Variants in MAMDC2 observed in about 807,000 individuals in gnomAD.
MAMDC2 encodes MAM domain-containing protein 2.
Under a neutral mutation model 89.8 loss-of-function variants are expected in MAMDC2, and 57 were observed. That is an observed-to-expected ratio of 0.63 (90% CI 0.51 to 0.79). MAMDC2 has a LOEUF of 0.79. MAMDC2 is among the 30% of genes least tolerant of loss of function. The pLI is 0.00. For missense variants in MAMDC2, 800 were observed against 820.6 expected, an observed-to-expected ratio of 0.97 and a Z score of 0.31; for synonymous variants, 313 against 293.4, an observed-to-expected ratio of 1.07 and a Z score of -0.68.
At chr9:70,044,876 G>C (rs1031778727) in intron 2 of MAMDC2, among the ~76,000 whole-genome samples, 179 bp downstream of exon 2, 8 of 152,276 alleles carry the variant, frequency 5.3e-5, no homozygotes, top group African/African-American at 1.9e-4. Flanking sequence ...GCAGGAACGG[G>C]GCGGGCGGGA....
At chr9:70,050,492 T>A (rs1826868847) in intron 2 of MAMDC2, among the ~76,000 whole-genome samples, 1 of 152,222 alleles carries the variant, frequency 6.6e-6, no homozygotes, top group African/African-American at 2.4e-5. Context: ...AAGTCATTTA[T>A]CCTCTCTATG....
At chr9:70,217,307 C>T (rs1184375206) in intron 11 of MAMDC2, 13 of 1,368,486 alleles carry the variant, frequency 9.5e-6, no homozygotes, top group Admixed American at 1.7e-5. Flanking sequence ...AAATGCGAGT[C>T]GGCATTCCTT....
At chr9:70,157,965 A>G (rs1164753024) in intron 9 of MAMDC2, among the ~76,000 whole-genome samples, 1 of 152,060 alleles carries the variant, frequency 6.6e-6, no homozygotes, top group Non-Finnish European at 1.5e-5. Context: ...AATCAAAGAC[A>G]TTATGTTTTT....
intron 2 of MAMDC2, chr9:70,083,640 T>C (rs139262221): frequency 3.3e-5 from 5 of 152,088 alleles, no homozygotes; most frequent in African/African-American, 1.2e-4. Flanking sequence ...CTGCATTCCA[T>C]TCCCTTGGCT....
At chr9:70,067,731 G>A (rs1381013905) in intron 2 of MAMDC2, among the ~76,000 whole-genome samples, 1 of 152,174 alleles carries the variant, frequency 6.6e-6, no homozygotes, top group Non-Finnish European at 1.5e-5. Context: ...CAGCTCATTT[G>A]GATAATTTAA....
chr9:70,169,832 G>T (rs2118529655), intron 10 of MAMDC2: 1 of 152,274 alleles, frequency 6.6e-6, no homozygotes, highest in East Asian at 1.9e-4. Context: ...AAACCTCTGG[G>T]TGGCAAAATA....
At chr9:70,126,077 A>AG (rs2030523361) in intron 5 of MAMDC2, 82 bp from the exon 6 acceptor site, 9 of 1,404,014 alleles carry the variant, frequency 6.4e-6, no homozygotes, top group Non-Finnish European at 8.8e-6. Flanking sequence ...TTTAGAATGC[A>AG]GAATCACACC....
chr9:70,165,095 T>A (rs2032128783), intron 9 of MAMDC2, among the ~76,000 whole-genome samples: 1 of 152,090 alleles, frequency 6.6e-6, no homozygotes, highest in African/African-American at 2.4e-5. Context: ...AAACACTGCT[T>A]TTAAGAAAGA....
chr9:70,099,980 AAG>A (rs60292765), intron 2 of MAMDC2, among the ~76,000 whole-genome samples: 10,258 of 115,312 alleles, frequency 0.089, 395 homozygotes, highest in African/African-American at 0.12. Flanking sequence ...GCCAAAAAGA[AAG>A]AGAGAGAGAG....
In MAMDC2 at chr9:70,108,341, T is replaced by C; in HGVS notation, c.279T>C (p.Ser93=). The C allele has an allele frequency of 6.2e-7, 1 of 1,614,100 alleles. No homozygotes were observed. The highest frequency in any genetic ancestry group is 8.5e-7 in the Non-Finnish European group (1 of 1,179,966). Residue 93 remains serine (S), a synonymous_variant, in exon 3 of 14, where the codon TCT becomes TCC. Transcript: ENST00000377182. The part of the protein sequence containing the change: ...LVYQITTSSE[S]LSDPSQLNLY... ...ACCAGATAACCACATCTTCGGAGTC[T>C]CTGTCAGATCCCAGCCAGCTGAACC...
In MAMDC2 at chr9:70,044,017, C is replaced by T; in HGVS notation, c.-181C>T. 1 of 677,770 alleles carries T rather than the reference C, an allele frequency of 1.5e-6. No homozygotes were observed. Among genetic ancestry groups the T allele is most frequent in the Non-Finnish European group, 2.5e-6 (1 of 396,384 alleles). The allele number at this position is 677,770 out of a possible 1,614,324, so 42.0% of individuals were successfully genotyped here. The stretch of plus-strand genomic sequence containing the variant: ...CATTCGAGCACCTTCCAGCATACCG[C>T]TCGGCTCCGGGAGCCGCTCTGCAAA... On this transcript the variant is annotated 5_prime_UTR_variant, in exon 1 of 14. Coordinates refer to ENST00000377182, the MANE Select transcript of MAMDC2 (RefSeq NM_153267.5).
At chr9:70,134,903 C>T (rs942623062) in intron 7 of MAMDC2, among the ~76,000 whole-genome samples, 1 of 152,156 alleles carries the variant, frequency 6.6e-6, no homozygotes, top group Non-Finnish European at 1.5e-5. Flanking sequence ...AACTACCCTG[C>T]AAGGTTAGCA....
chr9:70,170,429 G>A (rs371999455), intron 10 of MAMDC2, 50 bp from the exon 11 acceptor site: 58 of 1,549,618 alleles, frequency 3.7e-5, no homozygotes, highest in Non-Finnish European at 4.5e-5. Flanking sequence ...TAGCAACACA[G>A]AGTCATTGAA....
chr9:70,217,792 A>T lies in MAMDC2; in HGVS notation c.1652-545A>T, dbSNP rs1025912991. On this transcript the variant is annotated intron_variant, in intron 11 of 13. Transcript: ENST00000377182. ...GAATTAAGTAGGACAGGAAACAAAT[A>T]ATGGAATATGCATAACATGTGAGCA... 58 of 690,900 alleles carry T rather than the reference A, an allele frequency of 8.4e-5. No homozygotes were observed. In the African/African-American group the frequency reaches 9.6e-4, roughly 11 times the overall value. 42.8% of individuals were successfully genotyped at this position (690,900 alleles called of 1,614,324 possible).
intron 6 of MAMDC2, among the ~76,000 whole-genome samples, chr9:70,129,614 T>A (rs909306835): frequency 1.3e-5 from 2 of 152,188 alleles, no homozygotes; most frequent in Non-Finnish European, 2.9e-5. Context: ...TCCACAGTGG[T>A]GATCTGTCTG....
At chr9:70,152,858 A>C (rs889183368) in intron 9 of MAMDC2, among the ~76,000 whole-genome samples, 5 of 152,230 alleles carry the variant, frequency 3.3e-5, no homozygotes, top group Non-Finnish European at 7.3e-5. Context: ...AAGGCAATGC[A>C]TCATATAAAG....
chr9:70,098,905 C>G (rs1313012245), intron 2 of MAMDC2, among the ~76,000 whole-genome samples: 1 of 152,146 alleles, frequency 6.6e-6, no homozygotes, highest in Admixed American at 6.5e-5. Flanking sequence ...TGTGAAGAAT[C>G]TAGTACCCAG....
In MAMDC2 at chr9:70,226,774, C is replaced by G. The variant is rs1214856175; in HGVS notation, c.*742C>G. 1 of 151,878 alleles carries G rather than the reference C, an allele frequency of 6.6e-6. No homozygotes were observed. Among genetic ancestry groups the G allele is most frequent in the Non-Finnish European group, 1.5e-5 (1 of 67,902 alleles). The allele number at this position is 151,878 out of a possible 1,614,324, so 9.4% of individuals were successfully genotyped here. ...AAAATGTTTATGTATACATACCCAGCAACTTTTATAAATGTGTTAAACAAT... is the reference window on the plus strand; with the variant it reads ...AAAATGTTTATGTATACATACCCAGGAACTTTTATAAATGTGTTAAACAAT... On this transcript the variant is annotated 3_prime_UTR_variant, in exon 14 of 14. Transcript: ENST00000377182.
intron 2 of MAMDC2, among the ~76,000 whole-genome samples, chr9:70,072,923 C>T (rs892891728): frequency 6.6e-6 from 1 of 152,162 alleles, no homozygotes; most frequent in Non-Finnish European, 1.5e-5. Flanking sequence ...GCAACCTCCG[C>T]CTGCCAGGTT....
Sources: allele counts gnomAD v4.1 joint callset (sites outside exome capture counted in the v4.1 genomes callset), GRCh38; gene constraint gnomAD v4.1.1; transcripts MANE v1.5; gene names NCBI Gene and HGNC (gene_info 2026-07-23, HGNC 2026-07-21).